Variants in ITGA11 observed in about 807,000 individuals in gnomAD.
ITGA11 encodes the protein integrin subunit alpha 11, also known as integrin alpha-11.
ITGA11 carries 97 observed loss-of-function variants against 141.9 expected under a neutral mutation model. That is an observed-to-expected ratio of 0.68 (90% CI 0.58 to 0.81). The LOEUF (loss-of-function observed/expected upper bound fraction) is 0.81. ITGA11 is among the 30% of genes least tolerant of loss of function. ITGA11 has a pLI of 0.00. For missense variants in ITGA11, 1,387 were observed against 1,559.2 expected (o/e 0.89, Z 1.86); for synonymous variants, 658 against 624.6 (o/e 1.05, Z -0.80).
At chr15:68,390,865 G>A (rs1480752137) in intron 2 of ITGA11, among the ~76,000 whole-genome samples, 3 of 152,224 alleles carry the variant, frequency 2.0e-5, no homozygotes, top group Non-Finnish European at 4.4e-5. Context: ...CCACGTGGCA[G>A]AGGCTTCGCA....
chr15:68,325,219 G>A lies in ITGA11; in HGVS notation c.2234C>T (p.Pro745Leu), dbSNP rs1211882008. 1 of 1,613,888 alleles carries A rather than the reference G, an allele frequency of 6.2e-7. No homozygotes were observed. Among genetic ancestry groups the A allele is most frequent in the Admixed American group, 1.7e-5 (1 of 60,020 alleles). The change falls in exon 18 of 30, where the codon CCA becomes CTA. Residue 745 changes from proline (P) to leucine (L), a missense_variant. By Grantham distance (98) the Pro-to-Leu change is moderately conservative. Transcript: ENST00000315757. The surrounding 1 kb of genome is among the most constrained non-coding windows in gnomAD (Gnocchi z 5.5). ...GGAATACTCGACTGAGAAGGTCACT[G>A]GCTTCACGTAGTCAGCAGTGTCCTG... ...HVLDTADYVK[P>L]VTFSVEYSLE... is the part of the protein sequence containing the mutation.
At chr15:68,398,685 C>T (rs1896386030) in intron 2 of ITGA11, among the ~76,000 whole-genome samples, 1 of 144,440 alleles carries the variant, frequency 6.9e-6, no homozygotes, top group African/African-American at 2.5e-5. Flanking sequence ...AGCATAAATG[C>T]AAATATGAAA....
At chr15:68,409,745 T>C (rs1896731121) in intron 1 of ITGA11, among the ~76,000 whole-genome samples, 1 of 152,180 alleles carries the variant, frequency 6.6e-6, no homozygotes, top group South Asian at 2.1e-4. Flanking sequence ...ATTTAATGCT[T>C]ATAACCATGT....
intron 10 of ITGA11, among the ~76,000 whole-genome samples, chr15:68,345,065 G>A (rs1301389194): frequency 1.3e-5 from 2 of 152,030 alleles, no homozygotes; most frequent in African/African-American, 4.8e-5. Flanking sequence ...CCCCTCTGGA[G>A]GTGTGAATCC....
rs1243570788 is a variant in ITGA11, at chr15:68,331,888, G to A, written c.1741C>T (p.Arg581Ter). Residue 581 changes from arginine (R) to a stop codon, truncating the protein, a stop_gained, in exon 14 of 30, where the codon CGA (arginine) becomes TGA (stop). Transcript: ENST00000315757. LOFTEE classifies it high-confidence loss of function. ...AGAIYIFHGF[R>*]GSILKTPKQR... ...TTAGGTGTCTTCAGGATGCTGCCTC[G>A]GAAGCCGTGGAAGATGTAGATGGCT... 4 of 1,612,926 alleles carry A rather than the reference G, an allele frequency of 2.5e-6. No homozygotes were observed. The highest frequency in any genetic ancestry group is 3.4e-6 in the Non-Finnish European group (4 of 1,179,562).
intron 15 of ITGA11, among the ~76,000 whole-genome samples, chr15:68,329,852 G>C (rs968732687): frequency 1.3e-5 from 2 of 152,192 alleles, no homozygotes; most frequent in African/African-American, 4.8e-5. Flanking sequence ...GGCTGCACAC[G>C]CACAGGCCCT....
Position 68,310,010 on chromosome 15 carries a change from G to A in ITGA11, c.3174+984C>T, listed in dbSNP as rs574319721. 3.3e-5 allele frequency among the ~76,000 whole-genome samples: 5 copies of A among 152,292 alleles called. No individual in the cohort carries two copies. In the South Asian group the frequency reaches 1.0e-3, roughly 32 times the overall value. Reference sequence around the variant, plus strand: ...AGTTAGAAGGAGCCAAATCAGGACTGGAAGGTGGACGCCTAATGATTTTGA... The same window carrying A: ...AGTTAGAAGGAGCCAAATCAGGACTAGAAGGTGGACGCCTAATGATTTTGA... On this transcript the variant is annotated intron_variant, in intron 26 of 29. Coordinates refer to ENST00000315757, the MANE Select transcript of ITGA11 (RefSeq NM_001004439.2).
In ITGA11 at chr15:68,361,666, G is replaced by A; in HGVS notation, c.396C>T (p.Ser132=). 6.2e-7 allele frequency: 1 copy of A among 1,610,062 alleles called. No individual in the cohort carries two copies. The highest frequency in any genetic ancestry group is 8.5e-7 in the Non-Finnish European group (1 of 1,178,134). The change falls in exon 5 of 30, where the codon TCC becomes TCT. Residue 132 remains serine (S), a synonymous_variant. Transcript: ENST00000315757. Reference sequence around the variant, plus strand: ...TTGAACACATCCCTGTGGTGTAGTAGGAGCTCCCACACTCATGAGACCAGA... The same window carrying A: ...TTGAACACATCCCTGTGGTGTAGTAAGAGCTCCCACACTCATGAGACCAGA... ...SPLWSHECGS[S]YYTTGMCSRV...
chr15:68,332,207 G>A (rs1325970913), intron 13 of ITGA11, 131 bp downstream of exon 13: 4 of 1,271,346 alleles, frequency 3.1e-6, no homozygotes, highest in Non-Finnish European at 4.4e-6. Flanking sequence ...CAGCCACAGA[G>A]GAGGCTCTGA....
chr15:68,321,410 C>G lies in ITGA11; in HGVS notation c.2408+8G>C, dbSNP rs1893803544. The G allele has an allele frequency of 2.6e-6, 4 of 1,559,096 alleles. No individual in the cohort carries two copies. The South Asian group carries it at 4.7e-5, about 18-fold the overall frequency. ...GGGCGAGGGTGGGGGTGGAAGGAGC[C>G]AACTCACATGGCCGTGGGCAGGTCA... On this transcript the variant is annotated splice_region_variant and intron_variant, in intron 19 of 29. Coordinates refer to ENST00000315757, the MANE Select transcript of ITGA11 (RefSeq NM_001004439.2). This position sits in a 1 kb window ranked among gnomAD's most constrained non-coding sequence, Gnocchi z 4.9.
In ITGA11 at chr15:68,300,345, A is replaced by G. The variant is rs1049848792; in HGVS notation, c.*2714T>C. The G allele has an allele frequency of 9.2e-5, 14 of 152,154 alleles. No homozygotes were observed. Among genetic ancestry groups the G allele is most frequent in the African/African-American group, 3.4e-4 (14 of 41,432 alleles). The allele number at this position is 152,154 out of a possible 1,614,324, so 9.4% of individuals were successfully genotyped here. A position where few individuals can be genotyped will look rare whatever the true frequency, so the allele number is the denominator to read the frequency against. Reference sequence around the variant, plus strand: ...AGCCTGGATATTCACTTACCTGTTGATTGCAACTCTCAGCCATTAGAGTCA... The same window carrying G: ...AGCCTGGATATTCACTTACCTGTTGGTTGCAACTCTCAGCCATTAGAGTCA... On this transcript the variant is annotated 3_prime_UTR_variant, in exon 30 of 30. Transcript: ENST00000315757.
In ITGA11 at chr15:68,339,596, C is replaced by T. The variant is rs1216712534; in HGVS notation, c.1180G>A (p.Val394Met). 13 of 1,613,892 alleles carry T rather than the reference C, an allele frequency of 8.1e-6. No individual in the cohort carries two copies. The highest frequency in any genetic ancestry group is 8.5e-6 in the Non-Finnish European group (10 of 1,179,888). Residue 394 changes from valine to methionine, a missense_variant, in exon 11 of 30, where the codon GTG (valine) becomes ATG (methionine). Physicochemically the swap from Val to Met is conservative, Grantham distance 21. Coordinates refer to ENST00000315757, the MANE Select transcript of ITGA11 (RefSeq NM_001004439.2). ...TTCCCGGCACTCGTCTCCTTTAGCA[C>T]AGCTCCATTCCAGTCATAGGCACCG... ...AVGAYDWNGA[V>M]LKETSAGKVI... is the part of the protein sequence containing the mutation.
chr15:68,427,012 C>CAAAAAAA (rs148867034), intron 1 of ITGA11, among the ~76,000 whole-genome samples: 1 of 47,828 alleles, frequency 2.1e-5, no homozygotes, highest in Non-Finnish European at 3.5e-5. Context: ...AAGACTGTCT[C>CAAAAAAA]AAAAAAAAAA....
At position 68,310,015 on chromosome 15, in the gene ITGA11, G is replaced by C. The variant is rs543261418; in HGVS notation, c.3174+979C>G. On this transcript the variant is annotated intron_variant, in intron 26 of 29. Transcript: ENST00000315757. ...GAAGGAGCCAAATCAGGACTGGAAGGTGGACGCCTAATGATTTTGAAATCC... is the reference window on the plus strand; with the variant it reads ...GAAGGAGCCAAATCAGGACTGGAAGCTGGACGCCTAATGATTTTGAAATCC... Among the ~76,000 whole-genome samples, 12 of 152,308 alleles carry C rather than the reference G, an allele frequency of 7.9e-5. No individual in the cohort carries two copies. In the East Asian group the frequency reaches 1.7e-3, roughly 22 times the overall value.
intron 2 of ITGA11, among the ~76,000 whole-genome samples, chr15:68,376,003 T>A (rs945559715): frequency 6.6e-6 from 1 of 152,262 alleles, no homozygotes; most frequent in Non-Finnish European, 1.5e-5. Context: ...CCCCAGACCA[T>A]CAACAGAGGC....
At chr15:68,395,997 C>A (rs1452973989) in intron 2 of ITGA11, among the ~76,000 whole-genome samples, 1 of 151,718 alleles carries the variant, frequency 6.6e-6, no homozygotes, top group African/African-American at 2.4e-5. Context: ...TTATGTTCTA[C>A]CAGAGAATAG....
In ITGA11 at chr15:68,432,101, CGGCGGCGGGG is replaced by C. The variant is rs1897283574; in HGVS notation, c.-45_-36del. 1.1e-5 allele frequency: 15 copies of C among 1,354,284 alleles called. No individual in the cohort carries two copies. Among genetic ancestry groups the C allele is most frequent in the Non-Finnish European group, 1.3e-5 (14 of 1,055,530 alleles). The allele number at this position is 1,354,284 out of a possible 1,614,324, so 83.9% of individuals were successfully genotyped here. A position where few individuals can be genotyped will look rare whatever the true frequency, so the allele number is the denominator to read the frequency against. ...CACGGCGGCTGGGTCCGGTGTGCAG[CGGCGGCGGGG>C]GGCGGCAAGCCAGAGCGGCAGCCTC... On this transcript the variant is annotated 5_prime_UTR_variant, in exon 1 of 30. Transcript: ENST00000315757.
At chr15:68,331,558 TGTGTGC>T (rs1894156608) in intron 14 of ITGA11, among the ~76,000 whole-genome samples, 1 of 149,786 alleles carries the variant, frequency 6.7e-6, no homozygotes, top group Non-Finnish European at 1.5e-5. Flanking sequence ...GGCAACTGCA[TGTGTGC>T]GCGTCTCGGG....
chr15:68,313,695 C>A, intron 23 of ITGA11, 84 bp downstream of exon 23: 1 of 1,004,210 alleles, frequency 1.0e-6, no homozygotes, highest in Non-Finnish European at 1.5e-6. Context: ...CTATTAGGGC[C>A]CATCAGAGGA....
Sources: allele counts gnomAD v4.1 joint callset (sites outside exome capture counted in the v4.1 genomes callset), GRCh38; gene constraint gnomAD v4.1.1; non-coding constraint Gnocchi (gnomAD v3.1); transcripts MANE v1.5; gene names NCBI Gene and HGNC (gene_info 2026-07-23, HGNC 2026-07-21).